The following FHIT variants were observed in gnomAD, a reference collection of about 807,000 sequenced individuals.
FHIT encodes fragile histidine triad diadenosine triphosphatase.
Under a neutral mutation model 17.9 loss-of-function variants are expected in FHIT, and 19 were observed. The ratio of observed to expected loss-of-function variants is 1.06; its 90% CI spans 0.74 to 1.56. The LOEUF is 1.56. Among genes scored for constraint, FHIT ranks in the 40% most tolerant of loss-of-function variants. The pLI is 0.00. For synonymous variants in FHIT, 81 were observed against 69.7 expected (o/e 1.16, Z -0.81); for missense variants, 248 against 189.2 (o/e 1.31, Z -1.82).
intron 5 of FHIT, among the ~76,000 whole-genome samples, chr3:60,091,219 AC>A (rs1703716226): frequency 6.6e-6 from 1 of 152,072 alleles, no homozygotes; most frequent in African/African-American, 2.4e-5. Flanking sequence ...TTAAGAGCTC[AC>A]TCTTTCTGAA....
intron 5 of FHIT, among the ~76,000 whole-genome samples, chr3:60,273,203 A>G (rs1706954034): frequency 6.6e-6 from 1 of 152,226 alleles, no homozygotes. Context: ...GGAATTCTCT[A>G]ATGTTCTACA....
intron 1 of FHIT, among the ~76,000 whole-genome samples, chr3:61,235,659 G>A (rs1286444592): frequency 6.6e-6 from 1 of 151,758 alleles, no homozygotes; most frequent in Non-Finnish European, 1.5e-5. Flanking sequence ...CCAAGATTGC[G>A]CCACTGCACT....
chr3:60,902,728 C>T (rs938382445), intron 3 of FHIT, among the ~76,000 whole-genome samples: 1 of 152,172 alleles, frequency 6.6e-6, no homozygotes, highest in African/African-American at 2.4e-5. Flanking sequence ...GGATGAGATA[C>T]CTTCCTAACC....
intron 5 of FHIT, among the ~76,000 whole-genome samples, chr3:60,166,638 C>T (rs1052466699): frequency 1.3e-5 from 2 of 152,128 alleles, no homozygotes; most frequent in Non-Finnish European, 2.9e-5. Context: ...CAATCTATCT[C>T]CAGAACTTGG....
chr3:60,253,509 T>C (rs1026978715), intron 5 of FHIT, among the ~76,000 whole-genome samples: 1 of 152,138 alleles, frequency 6.6e-6, no homozygotes, highest in African/African-American at 2.4e-5. Context: ...AAATTGCAAA[T>C]GGCATGGAAA....
chr3:59,861,989 C>A (rs1702426299), intron 8 of FHIT, among the ~76,000 whole-genome samples: 1 of 150,878 alleles, frequency 6.6e-6, no homozygotes, highest in African/African-American at 2.5e-5. Context: ...ACAAAAAATG[C>A]CAAATTATCA....
intron 2 of FHIT, among the ~76,000 whole-genome samples, chr3:61,110,024 T>G (rs2036108762): frequency 6.6e-6 from 1 of 152,138 alleles, no homozygotes; most frequent in Admixed American, 6.6e-5. Context: ...CCCAACAGTC[T>G]CAGCTTCTGC....
intron 5 of FHIT, among the ~76,000 whole-genome samples, chr3:60,232,817 G>T (rs1049344839): frequency 6.6e-6 from 1 of 152,152 alleles, no homozygotes; most frequent in Non-Finnish European, 1.5e-5. Context: ...ATACAACAGA[G>T]AGCTCATTTT....
At chr3:61,045,193 G>A (rs2033723143) in intron 2 of FHIT, among the ~76,000 whole-genome samples, 1 of 152,154 alleles carries the variant, frequency 6.6e-6, no homozygotes, top group African/African-American at 2.4e-5. Context: ...CTGGCAAATT[G>A]GGTAAAGAGT....
At chr3:60,758,900 A>T (rs1225510245) in intron 4 of FHIT, among the ~76,000 whole-genome samples, 1 of 152,156 alleles carries the variant, frequency 6.6e-6, no homozygotes, top group Admixed American at 6.5e-5. Context: ...AGGACTGCTG[A>T]TTTATAAAAG....
At chr3:60,342,367 G>A (rs1330288603) in intron 5 of FHIT, among the ~76,000 whole-genome samples, 1 of 152,174 alleles carries the variant, frequency 6.6e-6, no homozygotes, top group Non-Finnish European at 1.5e-5. Flanking sequence ...ATATAACACA[G>A]GGTCTGAGAT....
intron 3 of FHIT, among the ~76,000 whole-genome samples, chr3:60,904,726 G>A (rs1706308547): frequency 6.6e-6 from 1 of 151,924 alleles, no homozygotes. Context: ...TGGATCACAA[G>A]GTCAGGAGTT....
At chr3:59,953,844 G>A (rs147333682) in intron 7 of FHIT, among the ~76,000 whole-genome samples, 104 of 152,324 alleles carry the variant, frequency 6.8e-4, no homozygotes, top group African/African-American at 2.5e-3. Context: ...CCGAGTGTGT[G>A]CCTGGTACCT....
At chr3:60,597,011 A>G (rs1658267408) in intron 4 of FHIT, among the ~76,000 whole-genome samples, 1 of 152,200 alleles carries the variant, frequency 6.6e-6, no homozygotes, top group Admixed American at 6.5e-5. Flanking sequence ...TGTTTTGTGC[A>G]GACATACTGC....
chr3:60,463,962 G>T (rs17063215), intron 5 of FHIT, among the ~76,000 whole-genome samples: 4 of 152,184 alleles, frequency 2.6e-5, no homozygotes, highest in African/African-American at 9.6e-5. Context: ...TAGCAAGTGT[G>T]TGGCAAAGAG....
At chr3:60,999,674 A>G (rs1248849015) in intron 3 of FHIT, among the ~76,000 whole-genome samples, 1 of 151,976 alleles carries the variant, frequency 6.6e-6, no homozygotes. Context: ...GGAATTCTTT[A>G]GGGATCAACA....
chr3:59,926,037 C>G (rs1476209298), intron 7 of FHIT, among the ~76,000 whole-genome samples: 2 of 152,184 alleles, frequency 1.3e-5, no homozygotes, highest in Non-Finnish European at 2.9e-5. Context: ...TTAATAAAAG[C>G]CTTCCACAAA....
At chr3:60,623,970 T>C (rs906509298) in intron 4 of FHIT, among the ~76,000 whole-genome samples, 10 of 152,172 alleles carry the variant, frequency 6.6e-5, no homozygotes, top group African/African-American at 2.2e-4. Context: ...TTTTGAAAAA[T>C]TCTACAATAC....
At chr3:59,900,042 T>C (rs1704256953) in intron 8 of FHIT, among the ~76,000 whole-genome samples, 1 of 152,212 alleles carries the variant, frequency 6.6e-6, no homozygotes, top group Non-Finnish European at 1.5e-5. Context: ...AGGTATCGTT[T>C]GCCCACAACC....
Sources: allele counts gnomAD v4.1 joint callset (sites outside exome capture counted in the v4.1 genomes callset), GRCh38; gene constraint gnomAD v4.1.1; transcripts MANE v1.5; gene names NCBI Gene and HGNC (gene_info 2026-07-23, HGNC 2026-07-21).